The following GAPT variants were observed in gnomAD, a reference collection of about 807,000 sequenced individuals.
GAPT encodes the protein protein GAPT.
For missense variants in GAPT, 206 were observed against 189.2 expected (o/e 1.09, Z -0.52); for synonymous variants, 82 against 69.7 (o/e 1.18, Z -0.88).
Position 58,495,035 on chromosome 5 carries a change from A to G in GAPT, c.*25A>G. 1 of 1,419,808 alleles carries G rather than the reference A, an allele frequency of 7.0e-7. No individual in the cohort carries two copies. The highest frequency in any genetic ancestry group is 9.8e-7 in the Non-Finnish European group (1 of 1,024,646). The allele number at this position is 1,419,808 out of a possible 1,614,324, so 88.0% of individuals were successfully genotyped here. A position where few individuals can be genotyped will look rare whatever the true frequency, so the allele number is the denominator to read the frequency against. ...GCTTTTCAAAATATTGACTTTTGTT[A>G]TTGGATGATAAATATTCACTGTAAT... On this transcript the variant is annotated 3_prime_UTR_variant, in exon 3 of 3. Coordinates refer to ENST00000502276, the MANE Select transcript of GAPT (RefSeq NM_001304431.2).
At position 58,495,017 on chromosome 5, in the gene GAPT, A is replaced by G; in HGVS notation, c.*7A>G. ...TCTTCCAGATTCATATTAGCTTTTC[A>G]AAATATTGACTTTTGTTATTGGATG... On this transcript the variant is annotated 3_prime_UTR_variant, in exon 3 of 3. Transcript: ENST00000502276. The G allele has an allele frequency of 2.0e-6, 3 of 1,536,264 alleles. No individual in the cohort carries two copies. The highest frequency in any genetic ancestry group is 2.7e-6 in the Non-Finnish European group (3 of 1,123,072).
chr5:58,495,261 A>G lies in GAPT; in HGVS notation c.*251A>G. On this transcript the variant is annotated 3_prime_UTR_variant, in exon 3 of 3. Coordinates refer to ENST00000502276, the MANE Select transcript of GAPT (RefSeq NM_001304431.2). ...AATAAGAACACATGGAGAGAAGGAG[A>G]GGAACAACAGACACTGGGGCCTACT... 2.6e-6 allele frequency: 1 copy of G among 389,916 alleles called. No homozygotes were observed. Among genetic ancestry groups the G allele is most frequent in the Non-Finnish European group, 4.6e-6 (1 of 215,492 alleles). The allele number at this position is 389,916 out of a possible 1,614,324, so 24.2% of individuals were successfully genotyped here.
Position 58,495,359 on chromosome 5 carries a change from A to C in GAPT, c.*349A>C. 1.1e-5 allele frequency: 2 copies of C among 190,110 alleles called. No homozygotes were observed. Among genetic ancestry groups the C allele is most frequent in the Non-Finnish European group, 1.1e-5 (1 of 90,420 alleles). 11.8% of individuals were successfully genotyped at this position (190,110 alleles called of 1,614,324 possible). ...ATCAGGTACTATGCTTAGTACACACATGATGAAATAATCTGTACACCAAAC... is the reference window on the plus strand; with the variant it reads ...ATCAGGTACTATGCTTAGTACACACCTGATGAAATAATCTGTACACCAAAC... On this transcript the variant is annotated 3_prime_UTR_variant, in exon 3 of 3. Transcript: ENST00000502276.
At chr5:58,492,231 G>A (rs918843710) in intron 1 of GAPT, among the ~76,000 whole-genome samples, 4 of 152,150 alleles carry the variant, frequency 2.6e-5, no homozygotes, top group Admixed American at 6.5e-5. Flanking sequence ...AACCCTCACC[G>A]TGACTTCTGT....
At position 58,494,534 on chromosome 5, in the gene GAPT, G is replaced by T. The variant is rs373355962; in HGVS notation, c.-3G>T. 8.7e-6 allele frequency: 14 copies of T among 1,602,136 alleles called. No individual in the cohort carries two copies. The African/African-American group carries it at 1.7e-4, about 20-fold the overall frequency. On this transcript the variant is annotated 5_prime_UTR_variant, in exon 3 of 3. Coordinates refer to ENST00000502276, the MANE Select transcript of GAPT (RefSeq NM_001304431.2). Reference sequence around the variant, plus strand: ...ATCACTAAACAGCACTGTTTGTACAGAAATGTCGAAAAGCTGTGGAAATAA... The same window carrying T: ...ATCACTAAACAGCACTGTTTGTACATAAATGTCGAAAAGCTGTGGAAATAA...
At chr5:58,491,862 AAC>A (rs947687184) in intron 1 of GAPT, among the ~76,000 whole-genome samples, 1 of 152,208 alleles carries the variant, frequency 6.6e-6, no homozygotes, top group African/African-American at 2.4e-5. Flanking sequence ...CCAAAATGAA[AAC>A]AGAGTCTTCT....
chr5:58,495,262 G>C lies in GAPT; in HGVS notation c.*252G>C. 1 of 340,026 alleles carries C rather than the reference G, an allele frequency of 2.9e-6. No individual in the cohort carries two copies. Among genetic ancestry groups the C allele is most frequent in the Non-Finnish European group, 5.4e-6 (1 of 185,690 alleles). The allele number at this position is 340,026 out of a possible 1,614,324, so 21.1% of individuals were successfully genotyped here. On this transcript the variant is annotated 3_prime_UTR_variant, in exon 3 of 3. Coordinates refer to ENST00000502276, the MANE Select transcript of GAPT (RefSeq NM_001304431.2). Reference sequence around the variant, plus strand: ...ATAAGAACACATGGAGAGAAGGAGAGGAACAACAGACACTGGGGCCTACTT... The same window carrying C: ...ATAAGAACACATGGAGAGAAGGAGACGAACAACAGACACTGGGGCCTACTT...
chr5:58,495,752 C>T lies in GAPT; in HGVS notation c.*742C>T, dbSNP rs777902185. ...GTTCCTCCTGCTTCTAGTTTCTACCCACTCAATCAATTACCGATGGTGTTG... is the reference window on the plus strand; with the variant it reads ...GTTCCTCCTGCTTCTAGTTTCTACCTACTCAATCAATTACCGATGGTGTTG... On this transcript the variant is annotated 3_prime_UTR_variant, in exon 3 of 3. Transcript: ENST00000502276. The T allele has an allele frequency of 6.0e-6, 1 of 166,254 alleles. No homozygotes were observed. Among genetic ancestry groups the T allele is most frequent in the Non-Finnish European group, 1.5e-5 (1 of 68,106 alleles). 10.3% of individuals were successfully genotyped at this position (166,254 alleles called of 1,614,324 possible). A position where few individuals can be genotyped will look rare whatever the true frequency, so the allele number is the denominator to read the frequency against.
Position 58,495,530 on chromosome 5 carries a change from T to C in GAPT, c.*520T>C, listed in dbSNP as rs965077476. 5.9e-6 allele frequency: 1 copy of C among 168,164 alleles called. No individual in the cohort carries two copies. Among genetic ancestry groups the C allele is most frequent in the Non-Finnish European group, 1.4e-5 (1 of 69,162 alleles). The allele number at this position is 168,164 out of a possible 1,614,324, so 10.4% of individuals were successfully genotyped here. A position where few individuals can be genotyped will look rare whatever the true frequency, so the allele number is the denominator to read the frequency against. On this transcript the variant is annotated 3_prime_UTR_variant, in exon 3 of 3. Transcript: ENST00000502276. ...CAAGTTCTGATAAGTGGATGGTCTC[T>C]GCCTATCTCCACCTTTCTGAATCCT...
chr5:58,496,765 T>C lies in GAPT; in HGVS notation c.*1755T>C, dbSNP rs556514832. The C allele has an allele frequency of 6.6e-5, 11 of 167,446 alleles. No individual in the cohort carries two copies. Among genetic ancestry groups the C allele is most frequent in the African/African-American group, 2.6e-4 (11 of 41,604 alleles). The allele number at this position is 167,446 out of a possible 1,614,324, so 10.4% of individuals were successfully genotyped here. On this transcript the variant is annotated 3_prime_UTR_variant, in exon 3 of 3. Coordinates refer to ENST00000502276, the MANE Select transcript of GAPT (RefSeq NM_001304431.2). ...GTTTACTCCAGCATCACTGGTTGTT[T>C]GCAGCTTTCTAGTTTCTTCCATCAT...
rs1053767661 is a variant in GAPT, at chr5:58,497,067, T to C, written c.*2057T>C. On this transcript the variant is annotated 3_prime_UTR_variant, in exon 3 of 3. Coordinates refer to ENST00000502276, the MANE Select transcript of GAPT (RefSeq NM_001304431.2). ...ATGCCTGTTTAGCCAATTATCTATATTAAATTCTCTCTGTTAAAACAAATT... is the reference window on the plus strand; with the variant it reads ...ATGCCTGTTTAGCCAATTATCTATACTAAATTCTCTCTGTTAAAACAAATT... 1 of 167,110 alleles carries C rather than the reference T, an allele frequency of 6.0e-6. No individual in the cohort carries two copies. The highest frequency in any genetic ancestry group is 1.5e-5 in the Non-Finnish European group (1 of 68,138). 10.4% of individuals were successfully genotyped at this position (167,110 alleles called of 1,614,324 possible). A position where few individuals can be genotyped will look rare whatever the true frequency, so the allele number is the denominator to read the frequency against.
intron 1 of GAPT, among the ~76,000 whole-genome samples, chr5:58,493,214 C>T (rs1208275501): frequency 6.6e-6 from 1 of 152,072 alleles, no homozygotes; most frequent in Non-Finnish European, 1.5e-5. Flanking sequence ...TAATAACATT[C>T]CATAGATGAT....
rs147956619 is a variant in GAPT, at chr5:58,491,658, G to A, written c.-419+117G>A. 8 of 152,244 alleles carry A rather than the reference G, an allele frequency of 5.3e-5. No individual in the cohort carries two copies. In the East Asian group the frequency reaches 5.8e-4, roughly 11 times the overall value. The allele number at this position is 152,244 out of a possible 1,614,324, so 9.4% of individuals were successfully genotyped here. A position where few individuals can be genotyped will look rare whatever the true frequency, so the allele number is the denominator to read the frequency against. On this transcript the variant is annotated intron_variant, in intron 1 of 2. Coordinates refer to ENST00000502276, the MANE Select transcript of GAPT (RefSeq NM_001304431.2). The stretch of plus-strand genomic sequence containing the variant: ...CAGTTTTTAGAAAAAAATGCCTTAC[G>A]TAGCTGTAAGGGGGAAACCCAATTT...
Position 58,495,314 on chromosome 5 carries a change from G to T in GAPT, c.*304G>T. The T allele has an allele frequency of 7.1e-6, 2 of 280,138 alleles. No homozygotes were observed. 17.4% of individuals were successfully genotyped at this position (280,138 alleles called of 1,614,324 possible). Reference sequence around the variant, plus strand: ...AGGGAGGACAGTGGAAGGAGGGAGAGGTTCAGGGAAAAAAAAAATATCAGG... The same window carrying T: ...AGGGAGGACAGTGGAAGGAGGGAGATGTTCAGGGAAAAAAAAAATATCAGG... On this transcript the variant is annotated 3_prime_UTR_variant, in exon 3 of 3. Coordinates refer to ENST00000502276, the MANE Select transcript of GAPT (RefSeq NM_001304431.2).
rs1201281634 is a variant in GAPT at position 58,493,749 on chromosome 5, G to A, written c.-380G>A. 2 of 152,060 alleles carry A rather than the reference G, an allele frequency of 1.3e-5. No individual in the cohort carries two copies. The highest frequency in any genetic ancestry group is 2.9e-5 in the Non-Finnish European group (2 of 68,010). The allele number at this position is 152,060 out of a possible 1,614,324, so 9.4% of individuals were successfully genotyped here. The stretch of plus-strand genomic sequence containing the variant: ...AATAGAGAATGGACTCATTAATATG[G>A]GATTACAGAGGAAGGAATGGTTAAG... On this transcript the variant is annotated 5_prime_UTR_variant, in exon 2 of 3. The change creates a premature stop within an existing upstream ORF in the 5' untranslated region. Transcript: ENST00000502276.
chr5:58,492,575 T>C (rs1272869177), intron 1 of GAPT, among the ~76,000 whole-genome samples: 3 of 152,202 alleles, frequency 2.0e-5, no homozygotes, highest in African/African-American at 7.2e-5. Context: ...AAAATGTTTC[T>C]GCATCTGGGG....
chr5:58,494,731 C>T lies in GAPT; in HGVS notation c.195C>T (p.Arg65=). 1 of 1,613,928 alleles carries T rather than the reference C, an allele frequency of 6.2e-7. No individual in the cohort carries two copies. The change falls in exon 3 of 3, where the codon CGC becomes CGT. Residue 65 remains arginine (R), a synonymous_variant. Transcript: ENST00000502276. The part of the protein sequence containing the change: ...KVCTKTFLGP[R]IIGLRHEISV... The stretch of plus-strand genomic sequence containing the variant: ...GTACTAAAACATTCTTGGGCCCCCG[C>T]ATCATTGGCTTAAGGCATGAAATCT...
Position 58,494,470 on chromosome 5 carries a change from C to T in GAPT, c.-67C>T. The T allele has an allele frequency of 7.6e-7, 1 of 1,319,094 alleles. No individual in the cohort carries two copies. Among genetic ancestry groups the T allele is most frequent in the East Asian group, 2.3e-5 (1 of 42,782 alleles). 81.7% of individuals were successfully genotyped at this position (1,319,094 alleles called of 1,614,324 possible). On this transcript the variant is annotated 5_prime_UTR_variant, in exon 3 of 3. Transcript: ENST00000502276. The stretch of plus-strand genomic sequence containing the variant: ...CTCATTTTTGAATAATACTAGGCTA[C>T]AAAGAATTACACTGTGAATTCATTA...
rs1475558983 is a variant in GAPT at position 58,495,048 on chromosome 5, T to C, written c.*38T>C. The C allele has an allele frequency of 7.6e-7, 1 of 1,317,006 alleles. No homozygotes were observed. Among genetic ancestry groups the C allele is most frequent in the Non-Finnish European group, 1.1e-6 (1 of 941,378 alleles). 81.6% of individuals were successfully genotyped at this position (1,317,006 alleles called of 1,614,324 possible). ...TTGACTTTTGTTATTGGATGATAAA[T>C]ATTCACTGTAATTTTTCAACAGCAA... On this transcript the variant is annotated 3_prime_UTR_variant, in exon 3 of 3. Transcript: ENST00000502276.
Sources: gnomAD v4.1 joint callset for allele counts (sites outside exome capture counted in the v4.1 genomes callset) on GRCh38, gnomAD v4.1.1 for gene constraint, MANE v1.5 for transcripts, NCBI Gene and HGNC (gene_info 2026-07-23, HGNC 2026-07-21) for gene names.